Variants in NUP153 observed in about 807,000 individuals in gnomAD.
The protein encoded by NUP153 is nuclear pore complex protein Nup153.
NUP153 carries 27 observed loss-of-function variants against 134.6 expected under a neutral mutation model. That is an observed-to-expected ratio of 0.20 (90% confidence interval 0.15 to 0.28). The LOEUF is 0.28. Ranked by LOEUF, NUP153 falls within the 10% of genes least tolerant of loss-of-function variation. The pLI, the probability that NUP153 is intolerant of heterozygous loss-of-function variation, is 1.00. For synonymous variants in NUP153, 640 were observed against 623.5 expected (o/e 1.03, Z -0.40); for missense variants, 1,821 against 1,731.3 (o/e 1.05, Z -0.92).
chr6:17,639,702 T>C (rs763792933), intron 15 of NUP153, among the ~76,000 whole-genome samples: 20 of 152,350 alleles, frequency 1.3e-4, no homozygotes, highest in Admixed American at 2.6e-4. Context: ...CCTCTATTAA[T>C]GGAGAATCCA....
In NUP153 at chr6:17,626,050, T is replaced by C. The variant is rs150601952; in HGVS notation, c.3659A>G (p.Asn1220Ser). 1,868 of 1,614,116 alleles carry C rather than the reference T, an allele frequency of 1.2e-3. 1 individual carries two copies. Among genetic ancestry groups the C allele is most frequent in the Non-Finnish European group, 1.4e-3 (1,708 of 1,180,018 alleles). ...GIFGSSTSSSNPPVATFVFGQ... is the reference protein window; with the variant it reads ...GIFGSSTSSSSPPVATFVFGQ... ...AAACACAAAGGTAGCCACAGGTGGA[T>C]TGGAGGAAGAGGTGGAACTACCAAA... The change falls in exon 19 of 22, where the codon AAT (asparagine) becomes AGT (serine). Residue 1220 changes from asparagine to serine, a missense_variant. Asn to Ser is a conservative substitution (Grantham distance 46). Transcript: ENST00000262077.
chr6:17,661,984 T>C, intron 10 of NUP153, 34 bp downstream of exon 10: 1 of 1,464,386 alleles, frequency 6.8e-7, no homozygotes, highest in Non-Finnish European at 9.5e-7. Context: ...AAGTTAAATA[T>C]AAAGAAGTAT....
chr6:17,705,508 G>A (rs564486015), intron 1 of NUP153, among the ~76,000 whole-genome samples: 1 of 143,334 alleles, frequency 7.0e-6, no homozygotes, highest in East Asian at 2.2e-4. Flanking sequence ...TTGTGTATGA[G>A]ATCAGAGCTG....
intron 2 of NUP153, 35 bp downstream of exon 2, chr6:17,688,361 T>C (rs1769069378): frequency 6.5e-7 from 1 of 1,530,044 alleles, no homozygotes; most frequent in Non-Finnish European, 9.1e-7. Flanking sequence ...CATGAAAACC[T>C]ATCATTCATG....
At chr6:17,703,163 A>C (rs1770238311) in intron 1 of NUP153, among the ~76,000 whole-genome samples, 2 of 148,450 alleles carry the variant, frequency 1.3e-5, no homozygotes, top group South Asian at 4.2e-4. Flanking sequence ...GAGCCACTGC[A>C]CTCCAGCCTG....
At chr6:17,664,815 G>A (rs759580531) in intron 9 of NUP153, among the ~76,000 whole-genome samples, 1 of 152,118 alleles carries the variant, frequency 6.6e-6, no homozygotes, top group Non-Finnish European at 1.5e-5. Flanking sequence ...CACTTTGGGA[G>A]GCCAAGGCAG....
At chr6:17,619,501 G>C (rs1326599695) in intron 20 of NUP153, 1 of 152,216 alleles carries the variant, frequency 6.6e-6, no homozygotes, top group African/African-American at 2.4e-5. Flanking sequence ...AGGAGGAACA[G>C]GTTAAAAGAC....
intron 20 of NUP153, among the ~76,000 whole-genome samples, chr6:17,618,560 CTCTTTTTT>C (rs1561847993): frequency 2.9e-5 from 3 of 104,940 alleles, no homozygotes. Flanking sequence ...GTTAAAATCT[CTCTTTTTT>C]TTTTTTTTTT....
chr6:17,689,040 T>C (rs1349278063), intron 1 of NUP153, among the ~76,000 whole-genome samples: 1 of 150,790 alleles, frequency 6.6e-6, no homozygotes, highest in African/African-American at 2.4e-5. Flanking sequence ...TTAAGATAAA[T>C]AAAAATTCAG....
In NUP153 at chr6:17,662,054, T is replaced by G; in HGVS notation, c.1232A>C (p.Asn411Thr). Residue 411 changes from asparagine (N) to threonine (T), a missense_variant, in exon 10 of 22, where the codon AAT becomes ACT. Transcript: ENST00000262077. Reference protein sequence around the residue: ...DNKCSTGYEKNMTPGQNREQR... With the variant: ...DNKCSTGYEKTMTPGQNREQR... ...TTCTCTATTTTGTCCGGGTGTCATATTTTTTTCATATCCAGTCTGCAGGGG... is the reference window on the plus strand; with the variant it reads ...TTCTCTATTTTGTCCGGGTGTCATAGTTTTTTCATATCCAGTCTGCAGGGG... 6.2e-7 allele frequency: 1 copy of G among 1,611,486 alleles called. No homozygotes were observed. Among genetic ancestry groups the G allele is most frequent in the Non-Finnish European group, 8.5e-7 (1 of 1,178,342 alleles).
chr6:17,699,222 C>G (rs562618778), intron 1 of NUP153, among the ~76,000 whole-genome samples: 59 of 151,300 alleles, frequency 3.9e-4, no homozygotes, highest in African/African-American at 1.4e-3. Context: ...GCTAGCTGGG[C>G]GTGGTGGCTC....
At position 17,616,282 on chromosome 6, in the gene NUP153, T is replaced by TGG. The variant is rs3836949; in HGVS notation, c.4344-103_4344-102dup. The TGG allele has an allele frequency of 4.0e-3, 1,343 of 333,846 alleles. 7 individuals carry two copies. The highest frequency in any genetic ancestry group is 0.015 in the African/African-American group (526 of 35,924). 20.7% of individuals were successfully genotyped at this position (333,846 alleles called of 1,614,324 possible). ...CAGCACAAGGGTAAGGGGGGTCGGG[T>TGG]GGGGGGGGAGTAGACTCACATTGGT... On this transcript the variant is annotated intron_variant, in intron 21 of 21. Transcript: ENST00000262077.
chr6:17,695,668 A>C (rs892863463), intron 1 of NUP153, among the ~76,000 whole-genome samples: 1 of 152,208 alleles, frequency 6.6e-6, no homozygotes, highest in Non-Finnish European at 1.5e-5. Flanking sequence ...TTTTTAAAAA[A>C]CTACTACGGA....
chr6:17,676,298 C>A (rs1768217302), intron 2 of NUP153, among the ~76,000 whole-genome samples: 1 of 152,088 alleles, frequency 6.6e-6, no homozygotes, highest in African/African-American at 2.4e-5. Context: ...ATAAGCCATC[C>A]TTTCCTCAAT....
chr6:17,686,346 T>A (rs566466523), intron 2 of NUP153, among the ~76,000 whole-genome samples: 2 of 152,048 alleles, frequency 1.3e-5, no homozygotes, highest in Non-Finnish European at 2.9e-5. Context: ...ACTGACTTTA[T>A]GTAGGGCTAG....
intron 12 of NUP153, among the ~76,000 whole-genome samples, chr6:17,648,553 G>T (rs540219759): frequency 6.6e-6 from 1 of 152,226 alleles, no homozygotes; most frequent in African/African-American, 2.4e-5. Flanking sequence ...GGAGGTGGAG[G>T]TTGCAGTGAG....
chr6:17,703,212 A>AT (rs1770242978), intron 1 of NUP153, among the ~76,000 whole-genome samples: 1 of 150,094 alleles, frequency 6.7e-6, no homozygotes, highest in Admixed American at 6.6e-5. Context: ...AAAAAAAAAA[A>AT]AATTAAAAAA....
At chr6:17,621,428 C>A (rs1764638038) in intron 20 of NUP153, among the ~76,000 whole-genome samples, 1 of 152,188 alleles carries the variant, frequency 6.6e-6, no homozygotes, top group Admixed American at 6.5e-5. Flanking sequence ...GCACTATTCA[C>A]AACAGCCAAG....
At chr6:17,631,236 CAT>C (rs34783554) in intron 17 of NUP153, among the ~76,000 whole-genome samples, 30,007 of 152,086 alleles carry the variant, frequency 0.2, 3,835 homozygotes, top group Non-Finnish European at 0.28. Flanking sequence ...AGATTTCAAT[CAT>C]ATAGACATAT....
Sources: allele counts gnomAD v4.1 joint callset (sites outside exome capture counted in the v4.1 genomes callset), GRCh38; gene constraint gnomAD v4.1.1; transcripts MANE v1.5; gene names NCBI Gene and HGNC (gene_info 2026-07-23, HGNC 2026-07-21).